ATP6V1H: variants seen among roughly 807,000 people sequenced by gnomAD.
ATP6V1H encodes ATPase H+ transporting V1 subunit H, also known as V-type proton ATPase subunit H.
A neutral mutation model predicts 71.7 loss-of-function variants in ATP6V1H; 39 were observed. That is an observed-to-expected ratio of 0.54 (90% CI 0.42 to 0.71). ATP6V1H has a LOEUF of 0.71. Among genes scored for constraint, ATP6V1H ranks in the 30% least tolerant of loss-of-function variants. The pLI is 0.00. For missense variants in ATP6V1H, 509 were observed against 594.9 expected (o/e 0.86, Z 1.50); for synonymous variants, 192 against 199.3 (o/e 0.96, Z 0.31).
chr8:53,805,733 A>G (rs1366765265), intron 7 of ATP6V1H, among the ~76,000 whole-genome samples: 2 of 152,228 alleles, frequency 1.3e-5, no homozygotes, highest in African/African-American at 4.8e-5. Flanking sequence ...CACAAGAGTC[A>G]AAAAACTAGA....
At chr8:53,827,412 A>T (rs1810858498) in intron 4 of ATP6V1H, among the ~76,000 whole-genome samples, 1 of 152,066 alleles carries the variant, frequency 6.6e-6, no homozygotes, top group African/African-American at 2.4e-5. Context: ...AAATAATAAT[A>T]ATGAAATGCA....
intron 6 of ATP6V1H, among the ~76,000 whole-genome samples, chr8:53,811,529 T>C (rs1810273855): frequency 6.6e-6 from 1 of 152,192 alleles, no homozygotes; most frequent in South Asian, 2.1e-4. Context: ...AAGATTTACT[T>C]ACTGAATTGT....
intron 11 of ATP6V1H, among the ~76,000 whole-genome samples, chr8:53,768,144 A>G (rs1190904014): frequency 6.6e-6 from 1 of 152,236 alleles, no homozygotes; most frequent in Admixed American, 6.5e-5. Flanking sequence ...ACATTTCTCC[A>G]AAGTAGATAT....
intron 11 of ATP6V1H, among the ~76,000 whole-genome samples, chr8:53,768,754 T>TA (rs767017341): frequency 7.9e-5 from 12 of 152,174 alleles, no homozygotes; most frequent in Non-Finnish European, 1.6e-4. Context: ...TATTGGTGGT[T>TA]ACTTAGGGCT....
chr8:53,792,984 TTAAAG>T (rs1202492257), intron 9 of ATP6V1H, among the ~76,000 whole-genome samples: 1 of 152,128 alleles, frequency 6.6e-6, no homozygotes, highest in Non-Finnish European at 1.5e-5. Context: ...TGGAATACAT[TTAAAG>T]TAATTAGGAC....
chr8:53,811,280 T>C, intron 6 of ATP6V1H, 63 bp from the exon 7 acceptor site: 1 of 1,456,330 alleles, frequency 6.9e-7, no homozygotes, highest in East Asian at 2.3e-5. Context: ...TGTATCAGCT[T>C]ACAAAAGGGA....
chr8:53,806,932 C>T, intron 7 of ATP6V1H: 5 of 442,250 alleles, frequency 1.1e-5, no homozygotes, highest in South Asian at 8.0e-5. Flanking sequence ...GCTTTTCACA[C>T]AACTGTAAAG....
At chr8:53,777,230 C>T (rs1303871849) in intron 9 of ATP6V1H, among the ~76,000 whole-genome samples, 1 of 152,004 alleles carries the variant, frequency 6.6e-6, no homozygotes, top group Non-Finnish European at 1.5e-5. Flanking sequence ...TCAGTAAATA[C>T]TAGGAAATGT....
chr8:53,782,966 G>A (rs1293833483), intron 9 of ATP6V1H, among the ~76,000 whole-genome samples: 1 of 152,114 alleles, frequency 6.6e-6, no homozygotes, highest in Non-Finnish European at 1.5e-5. Context: ...GAGGATTTTT[G>A]CATCAATGTT....
In ATP6V1H at chr8:53,780,135, G is replaced by A. The variant is rs549951545; in HGVS notation, c.871-7968C>T. On this transcript the variant is annotated intron_variant, in intron 9 of 13. Coordinates refer to ENST00000359530, the MANE Select transcript of ATP6V1H (RefSeq NM_015941.4). ...GATCATGCCACTGCATTCCAGCCTC[G>A]GTGACAGGGTGAGACTCCATCTCAA... is the stretch of plus-strand genomic sequence containing the variant. 6.0e-5 allele frequency among the ~76,000 whole-genome samples: 9 copies of A among 150,466 alleles called. No homozygotes were observed. The South Asian group carries it at 8.4e-4, about 14-fold the overall frequency.
At chr8:53,787,300 G>A (rs1458223674) in intron 9 of ATP6V1H, among the ~76,000 whole-genome samples, 1 of 152,164 alleles carries the variant, frequency 6.6e-6, no homozygotes, top group Non-Finnish European at 1.5e-5. Context: ...AGGGGATAAG[G>A]GATAGACTCC....
intron 2 of ATP6V1H, among the ~76,000 whole-genome samples, chr8:53,836,378 CTG>C (rs1337334883): frequency 6.6e-6 from 1 of 152,156 alleles, no homozygotes; most frequent in African/African-American, 2.4e-5. Flanking sequence ...ATTAAAATAA[CTG>C]TTTCTTATTT....
Position 53,716,033 on chromosome 8 carries a change from A to T in ATP6V1H, c.1392-9T>A. On this transcript the variant is annotated splice_polypyrimidine_tract_variant and intron_variant, in intron 13 of 13. Coordinates refer to ENST00000359530, the MANE Select transcript of ATP6V1H (RefSeq NM_015941.4). ...GCTTGCCAAGGTATTCCCTGAAAAA[A>T]AAGAATGAAGTAAGGAGAATGAGAA... is the stretch of plus-strand genomic sequence containing the variant. 1 of 1,602,670 alleles carries T rather than the reference A, an allele frequency of 6.2e-7. No individual in the cohort carries two copies. The highest frequency in any genetic ancestry group is 8.5e-7 in the Non-Finnish European group (1 of 1,175,050).
At chr8:53,725,660 G>C (rs1806786440) in intron 13 of ATP6V1H, among the ~76,000 whole-genome samples, 1 of 150,972 alleles carries the variant, frequency 6.6e-6, no homozygotes, top group African/African-American at 2.4e-5. Flanking sequence ...AGAAAATCTT[G>C]AGTGCCCAAA....
At chr8:53,729,660 G>A (rs1396807147) in intron 13 of ATP6V1H, among the ~76,000 whole-genome samples, 1 of 152,198 alleles carries the variant, frequency 6.6e-6, no homozygotes, top group African/African-American at 2.4e-5. Flanking sequence ...TTCCCTATCT[G>A]GGGATATTAC....
chr8:53,800,250 G>A (rs1448673411), intron 8 of ATP6V1H, among the ~76,000 whole-genome samples: 1 of 152,150 alleles, frequency 6.6e-6, no homozygotes. Context: ...TGATACAGCT[G>A]TGCGTCCTCA....
At chr8:53,733,373 G>T (rs1283305512) in intron 13 of ATP6V1H, among the ~76,000 whole-genome samples, 3 of 152,308 alleles carry the variant, frequency 2.0e-5, no homozygotes, top group Non-Finnish European at 2.9e-5. Flanking sequence ...TCTTCAGGGA[G>T]GCCCTGGCTC....
intron 2 of ATP6V1H, among the ~76,000 whole-genome samples, chr8:53,837,660 C>T (rs911018851): frequency 1.3e-5 from 2 of 152,052 alleles, no homozygotes; most frequent in South Asian, 2.1e-4. Context: ...ATCAAGAAGG[C>T]GGGAGCTAGA....
At chr8:53,833,898 G>A (rs565784604) in intron 2 of ATP6V1H, among the ~76,000 whole-genome samples, 40 of 152,004 alleles carry the variant, frequency 2.6e-4, no homozygotes, top group Non-Finnish European at 5.3e-4. Context: ...CACTTTCCCC[G>A]GTGGTGATGC....
Sources: gnomAD v4.1 joint callset for allele counts (sites outside exome capture counted in the v4.1 genomes callset) on GRCh38, gnomAD v4.1.1 for gene constraint, MANE v1.5 for transcripts, NCBI Gene and HGNC (gene_info 2026-07-23, HGNC 2026-07-21) for gene names.